PRKD1: variants seen among roughly 807,000 people sequenced by gnomAD.
PRKD1 encodes the protein protein kinase D1.
Under a neutral mutation model 95.9 loss-of-function variants are expected in PRKD1, and 63 were observed. The ratio of observed to expected loss-of-function variants is 0.66; its 90% CI spans 0.54 to 0.81. PRKD1 has a LOEUF of 0.81. PRKD1 is among the 30% of genes least tolerant of loss of function. The pLI is 0.00. For missense variants in PRKD1, 1,048 were observed against 1,165.3 expected, an observed-to-expected ratio of 0.90 and a Z score of 1.47; for synonymous variants, 425 against 423.1, an observed-to-expected ratio of 1.00 and a Z score of -0.05.
intron 15 of PRKD1, among the ~76,000 whole-genome samples, 200 bp downstream of exon 15, chr14:29,598,827 T>C (rs1258184081): frequency 2.0e-5 from 3 of 152,198 alleles, no homozygotes; most frequent in African/African-American, 7.2e-5. Flanking sequence ...GAAGGCACTT[T>C]TGTGTATAAT....
chr14:29,775,792 GAGT>G (rs1283973324), intron 1 of PRKD1, among the ~76,000 whole-genome samples: 1 of 152,162 alleles, frequency 6.6e-6, no homozygotes, highest in East Asian at 1.9e-4. Flanking sequence ...GCTTTGAAGA[GAGT>G]AGTAGTTCTC....
In PRKD1 at chr14:29,835,257, G is replaced by A. The variant is rs76463688; in HGVS notation, c.264+91992C>T. On this transcript the variant is annotated intron_variant, in intron 1 of 17. Transcript: ENST00000331968. ...TTTTGCTTACCATCTTGGTTGTGCC[G>A]ATGGACACAAATAATAATTTGCATC... Among the ~76,000 whole-genome samples the A allele has an allele frequency of 1.3e-3, 196 of 152,180 alleles. No homozygotes were observed. In the East Asian group the frequency reaches 0.03, roughly 23 times the overall value.
At position 29,760,934 on chromosome 14, in the gene PRKD1, C is replaced by A. The variant is rs569617634; in HGVS notation, c.265-35260G>T. Among the ~76,000 whole-genome samples, 3 of 152,058 alleles carry A rather than the reference C, an allele frequency of 2.0e-5. No homozygotes were observed. In the South Asian group the frequency reaches 6.2e-4, roughly 32 times the overall value. On this transcript the variant is annotated intron_variant, in intron 1 of 17. Transcript: ENST00000331968. ...TCAGCCAGATTCTTTACGTTTTAGC[C>A]AAAATCTTTATTTTTTTCTTTTTTT...
rs45469291 is a variant in PRKD1 at position 29,735,704 on chromosome 14, A to T, written c.265-10030T>A. 1.6e-3 allele frequency among the ~76,000 whole-genome samples: 243 copies of T among 152,332 alleles called. 3 individuals carry two copies. Among genetic ancestry groups the T allele is most frequent in the East Asian group, 3.3e-3 (17 of 5,184 alleles). ...ATTCCAGTGCCGTCTGATGTCATTC[A>T]CATGCCTCTTTCTTCAAGAACCCCT... On this transcript the variant is annotated intron_variant, in intron 1 of 17. Coordinates refer to ENST00000331968, the MANE Select transcript of PRKD1 (RefSeq NM_002742.3).
rs143086859 is a variant in PRKD1 at position 29,625,468 on chromosome 14, A to G, written c.1798+1016T>C. Among the ~76,000 whole-genome samples, 12 of 151,410 alleles carry G rather than the reference A, an allele frequency of 7.9e-5. No homozygotes were observed. In the East Asian group the frequency reaches 2.3e-3, roughly 29 times the overall value. On this transcript the variant is annotated intron_variant, in intron 12 of 17. Coordinates refer to ENST00000331968, the MANE Select transcript of PRKD1 (RefSeq NM_002742.3). Reference sequence around the variant, plus strand: ...TTATCTGGCATCTGCTGGTCTCTCTACTCTCATTTGTCACCCTTGTCTCAC... The same window carrying G: ...TTATCTGGCATCTGCTGGTCTCTCTGCTCTCATTTGTCACCCTTGTCTCAC...
At position 29,776,142 on chromosome 14, in the gene PRKD1, A is replaced by C. The variant is rs1030266885; in HGVS notation, c.265-50468T>G. 1.2e-4 allele frequency among the ~76,000 whole-genome samples: 18 copies of C among 152,200 alleles called. 1 individual carries two copies. The highest frequency in any genetic ancestry group is 7.2e-4 in the Admixed American group (11 of 15,276). ...AGGACATCCACACCAAAACCCCATCAGTACGTCATCATAATCAAAGACCAA... is the reference window on the plus strand; with the variant it reads ...AGGACATCCACACCAAAACCCCATCCGTACGTCATCATAATCAAAGACCAA... On this transcript the variant is annotated intron_variant, in intron 1 of 17. Coordinates refer to ENST00000331968, the MANE Select transcript of PRKD1 (RefSeq NM_002742.3).
At chr14:29,726,673 A>G (rs1442782230) in intron 1 of PRKD1, among the ~76,000 whole-genome samples, 1 of 152,052 alleles carries the variant, frequency 6.6e-6, no homozygotes, top group Non-Finnish European at 1.5e-5. Flanking sequence ...AATTCACATG[A>G]ATCATTTTGT....
chr14:29,782,021 T>C (rs1333427133), intron 1 of PRKD1, among the ~76,000 whole-genome samples: 1 of 152,356 alleles, frequency 6.6e-6, no homozygotes, highest in South Asian at 2.1e-4. Flanking sequence ...TACCCAGATG[T>C]GCATCTACAA....
chr14:29,643,695 A>T (rs1328223648), intron 4 of PRKD1, among the ~76,000 whole-genome samples: 1 of 152,226 alleles, frequency 6.6e-6, no homozygotes, highest in African/African-American at 2.4e-5. Flanking sequence ...GCAGTTCACA[A>T]TGAACTCTCT....
Position 29,826,802 on chromosome 14 carries a change from C to CACACATATATAT in PRKD1, c.264+100446_264+100447insATATATATGTGT, listed in dbSNP as rs1891187290. 6.6e-4 allele frequency among the ~76,000 whole-genome samples: 15 copies of CACACATATATAT among 22,782 alleles called. 2 individuals are homozygous for CACACATATATAT. Among genetic ancestry groups the CACACATATATAT allele is most frequent in the African/African-American group, 2.8e-3 (13 of 4,726 alleles). 14.9% of individuals were successfully genotyped at this position (22,782 alleles called of 152,430 possible). On this transcript the variant is annotated intron_variant, in intron 1 of 17. Coordinates refer to ENST00000331968, the MANE Select transcript of PRKD1 (RefSeq NM_002742.3). The stretch of plus-strand genomic sequence containing the variant: ...ATATACATATATACACATATATATA[C>CACACATATATAT]ACATATATATACACATATATATATA...
At chr14:29,587,091 T>C (rs899256093) in intron 16 of PRKD1, among the ~76,000 whole-genome samples, 3 of 152,320 alleles carry the variant, frequency 2.0e-5, no homozygotes, top group Middle Eastern at 3.4e-3. Context: ...GACGTGATGA[T>C]GGCTTTCAAA....
At chr14:29,906,836 G>T (rs1356691053) in intron 1 of PRKD1, among the ~76,000 whole-genome samples, 1 of 152,170 alleles carries the variant, frequency 6.6e-6, no homozygotes, top group African/African-American at 2.4e-5. Context: ...AGCTAACATG[G>T]GGTGATTGGG....
intron 1 of PRKD1, among the ~76,000 whole-genome samples, chr14:29,791,914 G>C (rs118148123): frequency 6.6e-6 from 1 of 152,044 alleles, no homozygotes; most frequent in South Asian, 2.1e-4. Context: ...AAAAGTTGCC[G>C]AACTGTTTTC....
Position 29,663,709 on chromosome 14 carries a change from T to TC in PRKD1, c.685dup (p.Glu229GlyfsTer32). 6.2e-7 allele frequency: 1 copy of TC among 1,613,698 alleles called. No homozygotes were observed. Among genetic ancestry groups the TC allele is most frequent in the Non-Finnish European group, 8.5e-7 (1 of 1,179,776 alleles). Reference sequence around the variant, plus strand: ...AACAGGAAGCCATACCAGAAGGGGCTCATCAGGGGCACTTGTAGAGAGTTC... The same window carrying TC: ...AACAGGAAGCCATACCAGAAGGGGCTCCATCAGGGGCACTTGTAGAGAGTTC... On this transcript the variant is annotated frameshift_variant, in exon 4 of 18. Transcript: ENST00000331968. LOFTEE classifies it high-confidence loss of function.
intron 13 of PRKD1, among the ~76,000 whole-genome samples, chr14:29,619,361 G>C (rs561640444): frequency 6.6e-6 from 1 of 152,052 alleles, no homozygotes; most frequent in Admixed American, 6.5e-5. Context: ...TTTGCTACCT[G>C]GTTGGATACT....
At chr14:29,842,763 C>G (rs146545136) in intron 1 of PRKD1, among the ~76,000 whole-genome samples, 60 of 152,272 alleles carry the variant, frequency 3.9e-4, no homozygotes, top group South Asian at 6.2e-4. Flanking sequence ...GATATGTCTA[C>G]AGGATTATGA....
intron 1 of PRKD1, among the ~76,000 whole-genome samples, chr14:29,766,998 C>A (rs1268150963): frequency 6.6e-6 from 1 of 152,074 alleles, no homozygotes; most frequent in African/African-American, 2.4e-5. Context: ...TTATGACACA[C>A]TCTCAAAAAA....
intron 1 of PRKD1, among the ~76,000 whole-genome samples, chr14:29,819,691 AAAAATAAAAT>A (rs1042548626): frequency 1.3e-5 from 2 of 152,114 alleles, no homozygotes; most frequent in East Asian, 1.9e-4. Flanking sequence ...CTCCGTCTCA[AAAAATAAAAT>A]AAAATAAAAT....
rs28481403 is a variant in PRKD1, at chr14:29,714,920, C to G, written c.403+10616G>C. 2.3e-3 allele frequency among the ~76,000 whole-genome samples: 346 copies of G among 152,024 alleles called. 2 individuals are homozygous for G. The highest frequency in any genetic ancestry group is 7.6e-3 in the African/African-American group (316 of 41,502). On this transcript the variant is annotated intron_variant, in intron 2 of 17. Coordinates refer to ENST00000331968, the MANE Select transcript of PRKD1 (RefSeq NM_002742.3). The stretch of plus-strand genomic sequence containing the variant: ...GGGAGTTGAACAGTGAGAACACATG[C>G]ACACAGGGAGGGGAACAATCACACA...
Sources: gnomAD v4.1 joint callset for allele counts (sites outside exome capture counted in the v4.1 genomes callset) on GRCh38, gnomAD v4.1.1 for gene constraint, MANE v1.5 for transcripts, NCBI Gene and HGNC (gene_info 2026-07-23, HGNC 2026-07-21) for gene names.